The following MORF4L1 variants were observed in gnomAD, a reference collection of about 807,000 sequenced individuals.
The protein encoded by MORF4L1 is mortality factor 4 like 1.
Under a neutral mutation model 52.9 loss-of-function variants are expected in MORF4L1, and 4 were observed. The ratio of observed to expected loss-of-function variants is 0.08; its 90% CI spans 0.04 to 0.17. The LOEUF is 0.17. Ranked by LOEUF, MORF4L1 falls within the 10% of genes least tolerant of loss-of-function variation. The probability of loss-of-function intolerance (pLI) is 1.00; values close to 1 mark genes in which losing one functional copy is unlikely to be tolerated. For missense variants in MORF4L1, 214 were observed against 390.4 expected (o/e 0.55, Z 3.81); for synonymous variants, 123 against 134.8 (o/e 0.91, Z 0.61).
chr15:78,882,491 T>G (rs1231543838), intron 3 of MORF4L1, among the ~76,000 whole-genome samples: 1 of 152,220 alleles, frequency 6.6e-6, no homozygotes, highest in Non-Finnish European at 1.5e-5. Flanking sequence ...TTCTAATATC[T>G]AGGAAACAGG....
At chr15:78,888,548 CTTTTA>C (rs2056745718) in intron 5 of MORF4L1, among the ~76,000 whole-genome samples, 4 of 151,902 alleles carry the variant, frequency 2.6e-5, no homozygotes, top group Admixed American at 2.6e-4. Flanking sequence ...AAAATTATAA[CTTTTA>C]TTAAGAGGTC....
intron 5 of MORF4L1, among the ~76,000 whole-genome samples, chr15:78,889,578 T>C (rs994765034): frequency 1.3e-5 from 2 of 152,142 alleles, no homozygotes; most frequent in Admixed American, 1.3e-4. Flanking sequence ...GGGTAAAGGA[T>C]TGAGTGTGAA....
Position 78,883,058 on chromosome 15 carries a change from T to TA in MORF4L1, c.155+2486dup, listed in dbSNP as rs539557208. ...GGTGAAACCCCATCTCTACTAAAAA[T>TA]AAAAAAATTAGCCAGGTGTGGTGGC... On this transcript the variant is annotated intron_variant, in intron 3 of 11. Coordinates refer to ENST00000426013, the MANE Select transcript of MORF4L1 (RefSeq NM_006791.4). Among the ~76,000 whole-genome samples the TA allele has an allele frequency of 3.4e-4, 51 of 151,876 alleles. No individual in the cohort carries two copies. In the South Asian group the frequency reaches 8.9e-3, roughly 27 times the overall value.
rs2056702554 is a variant in MORF4L1 at position 78,886,322 on chromosome 15, C to T, written c.242+95C>T. 10 of 1,085,228 alleles carry T rather than the reference C, an allele frequency of 9.2e-6. No homozygotes were observed. The South Asian group carries it at 1.3e-4, about 14-fold the overall frequency. The allele number at this position is 1,085,228 out of a possible 1,614,324, so 67.2% of individuals were successfully genotyped here. Reference sequence around the variant, plus strand: ...AATGGAGATCATGTTGGCTGCCCTGCCTATAAAATGATTCCTGGTACCTTT... The same window carrying T: ...AATGGAGATCATGTTGGCTGCCCTGTCTATAAAATGATTCCTGGTACCTTT... On this transcript the variant is annotated intron_variant, in intron 4 of 11. Transcript: ENST00000426013.
At chr15:78,891,820 T>C (rs925289791) in intron 7 of MORF4L1, 10 of 461,806 alleles carry the variant, frequency 2.2e-5, no homozygotes, top group South Asian at 8.1e-5. Context: ...ACTATTTCTT[T>C]GGTGTTACGT....
At chr15:78,879,007 C>T (rs2056548124) in intron 2 of MORF4L1, among the ~76,000 whole-genome samples, 1 of 151,664 alleles carries the variant, frequency 6.6e-6, no homozygotes, top group African/African-American at 2.4e-5. Flanking sequence ...TCAGACATTT[C>T]TGACTAAATA....
At chr15:78,876,028 C>G (rs112737508) in intron 1 of MORF4L1, among the ~76,000 whole-genome samples, 20 of 151,744 alleles carry the variant, frequency 1.3e-4, no homozygotes, top group African/African-American at 4.8e-4. Flanking sequence ...GCCTCCGCCT[C>G]CTGGGTTCAA....
At chr15:78,886,079 T>C (rs2056698079) in intron 3 of MORF4L1, 62 bp from the exon 4 acceptor site, 6 of 1,282,030 alleles carry the variant, frequency 4.7e-6, no homozygotes, top group African/African-American at 2.9e-5. Context: ...CCTCTTGATC[T>C]CAGAAAATTA....
At chr15:78,886,949 T>C (rs2056715084) in intron 4 of MORF4L1, among the ~76,000 whole-genome samples, 1 of 109,252 alleles carries the variant, frequency 9.2e-6, no homozygotes, top group Non-Finnish European at 2.0e-5. Flanking sequence ...AGTGAAACTC[T>C]GTCTCAAAAA....
At chr15:78,883,839 GTATT>G (rs2056645266) in intron 3 of MORF4L1, among the ~76,000 whole-genome samples, 1 of 152,138 alleles carries the variant, frequency 6.6e-6, no homozygotes, top group South Asian at 2.1e-4. Context: ...AGTGTGTTGT[GTATT>G]TAGTCTATGT....
chr15:78,873,168 G>A, intron 1 of MORF4L1, 111 bp downstream of exon 1: 2 of 1,535,406 alleles, frequency 1.3e-6, no homozygotes, highest in Non-Finnish European at 8.8e-7. Flanking sequence ...CCCTGAGAAG[G>A]CGGCGGTCAG....
At chr15:78,889,245 C>T (rs1053901971) in intron 5 of MORF4L1, among the ~76,000 whole-genome samples, 1 of 152,220 alleles carries the variant, frequency 6.6e-6, no homozygotes, top group Non-Finnish European at 1.5e-5. Flanking sequence ...ACGTTTGAAG[C>T]ATGAATGTCA....
chr15:78,881,176 C>A (rs776039080), intron 3 of MORF4L1, among the ~76,000 whole-genome samples: 40 of 127,952 alleles, frequency 3.1e-4, no homozygotes, highest in Non-Finnish European at 5.7e-4. Context: ...TTTCTCACCC[C>A]TAAGAGTTAA....
Position 78,892,106 on chromosome 15 carries a change from G to T in MORF4L1, c.439-106G>T, listed in dbSNP as rs3803545. Reference sequence around the variant, plus strand: ...AAATGACAGTACAGCTGTATGCTTGGCTACTTTAAGATTTATCCCTAGTGC... The same window carrying T: ...AAATGACAGTACAGCTGTATGCTTGTCTACTTTAAGATTTATCCCTAGTGC... On this transcript the variant is annotated intron_variant, in intron 7 of 11. Coordinates refer to ENST00000426013, the MANE Select transcript of MORF4L1 (RefSeq NM_006791.4). The T allele has an allele frequency of 0.028, 19,152 of 672,016 alleles. 2,652 individuals are homozygous for T. The East Asian group carries it at 0.34, about 12-fold the overall frequency. 41.6% of individuals were successfully genotyped at this position (672,016 alleles called of 1,614,324 possible).
chr15:78,896,968 ATATTT>A lies in MORF4L1; in HGVS notation c.888-8_888-4del, dbSNP rs748396100. ...TGACCTTTAAAAATTTTTGTAATGAATATTTTATTTTTAGGTACCTGGCAAAGAAT... is the reference window on the plus strand; with the variant it reads ...TGACCTTTAAAAATTTTTGTAATGAATATTTTTAGGTACCTGGCAAAGAAT... On this transcript the variant is annotated splice_polypyrimidine_tract_variant and intron_variant, in intron 11 of 11. Coordinates refer to ENST00000426013, the MANE Select transcript of MORF4L1 (RefSeq NM_006791.4). 1.9e-6 allele frequency: 3 copies of A among 1,608,682 alleles called. No individual in the cohort carries two copies. Among genetic ancestry groups the A allele is most frequent in the Non-Finnish European group, 2.6e-6 (3 of 1,176,240 alleles).
chr15:78,883,251 G>C (rs2056635065), intron 3 of MORF4L1, among the ~76,000 whole-genome samples: 1 of 150,114 alleles, frequency 6.7e-6, no homozygotes, highest in Admixed American at 6.6e-5. Flanking sequence ...AAAAAACTAA[G>C]GGAAACTACG....
rs2056581948 is a variant in MORF4L1 at position 78,880,493 on chromosome 15, T to G, written c.88-19T>G. On this transcript the variant is annotated intron_variant, in intron 2 of 11. Coordinates refer to ENST00000426013, the MANE Select transcript of MORF4L1 (RefSeq NM_006791.4). ...TAAAAAATTTCTAAGTGAATTATTA[T>G]TTTTTTTTTGAATTTCAGTGTGTAA... 8.6e-7 allele frequency: 1 copy of G among 1,168,946 alleles called. No homozygotes were observed. The allele number at this position is 1,168,946 out of a possible 1,614,324, so 72.4% of individuals were successfully genotyped here.
chr15:78,886,301 G>A, intron 4 of MORF4L1, 74 bp downstream of exon 4: 1 of 1,304,540 alleles, frequency 7.7e-7, no homozygotes, highest in Non-Finnish European at 1.1e-6. Flanking sequence ...ATGAACAATG[G>A]AGATCATGTT....
intron 1 of MORF4L1, among the ~76,000 whole-genome samples, chr15:78,874,441 C>T (rs954951113): frequency 1.3e-5 from 2 of 152,232 alleles, no homozygotes; most frequent in East Asian, 3.9e-4. Context: ...GACGCTATCT[C>T]GGCTCACCTC....
Sources: gnomAD v4.1 joint callset for allele counts (sites outside exome capture counted in the v4.1 genomes callset) on GRCh38, gnomAD v4.1.1 for gene constraint, MANE v1.5 for transcripts, NCBI Gene and HGNC (gene_info 2026-07-23, HGNC 2026-07-21) for gene names.